Variants in LUC7L observed in about 807,000 individuals in gnomAD.
The protein encoded by LUC7L is putative RNA-binding protein Luc7-like 1.
In LUC7L, 29 loss-of-function variants were observed where a neutral mutation model predicts 51.1. The observed-to-expected ratio is 0.57, with a 90% CI of 0.42 to 0.77. The LOEUF (loss-of-function observed/expected upper bound fraction) is 0.77, where lower values mean the gene tolerates loss of function less well. LUC7L is among the 30% of genes least tolerant of loss of function. The pLI is 0.00. For missense variants in LUC7L, 403 were observed against 511.9 expected (o/e 0.79, Z 2.05); for synonymous variants, 181 against 180.7 (o/e 1.00, Z -0.01).
At chr16:189,850 C>T (rs1310280446) in intron 9 of LUC7L, 118 bp downstream of exon 9, 45 of 1,486,626 alleles carry the variant, frequency 3.0e-5, no homozygotes, top group Non-Finnish European at 3.8e-5. Context: ...ACTCCCCAGC[C>T]CTACTCCTGA....
intron 5 of LUC7L, among the ~76,000 whole-genome samples, chr16:203,552 C>T (rs547609158): frequency 6.6e-6 from 1 of 151,682 alleles, no homozygotes; most frequent in African/African-American, 2.4e-5. Context: ...CCAAAAAATA[C>T]AAAAAATTAG....
At chr16:227,404 A>G in intron 1 of LUC7L, 68 bp from the exon 2 acceptor site, 1 of 1,541,146 alleles carries the variant, frequency 6.5e-7, no homozygotes, top group East Asian at 2.4e-5. Context: ...TAACTAGTAT[A>G]ACAATTCACC....
chr16:220,510 T>C, intron 3 of LUC7L, 139 bp downstream of exon 3: 1 of 682,708 alleles, frequency 1.5e-6, no homozygotes, highest in Non-Finnish European at 2.6e-6. Context: ...GGCTGTATTC[T>C]AGCTCTGAGC....
intron 2 of LUC7L, among the ~76,000 whole-genome samples, chr16:221,022 A>C (rs536733361): frequency 2.0e-5 from 3 of 152,124 alleles, no homozygotes; most frequent in African/African-American, 7.2e-5. Context: ...AACTACATTA[A>C]TTGGCTTTTG....
At chr16:198,948 G>A in intron 6 of LUC7L, 114 bp downstream of exon 6, 5 of 1,030,210 alleles carry the variant, frequency 4.9e-6, no homozygotes, top group Non-Finnish European at 5.5e-6. Flanking sequence ...CCAAAGTGCT[G>A]GGATTATAGG....
chr16:189,985 G>A lies in LUC7L; in HGVS notation c.957C>T (p.Asp319=). The change falls in exon 9 of 10, where the codon GAC becomes GAT. Residue 319 remains aspartate, a synonymous_variant. Coordinates refer to ENST00000293872, the MANE Select transcript of LUC7L (RefSeq NM_201412.3). ...GTAGTTACTTGTATTTCGCACTTCG[G>A]TCCCGGGAAGCCCGACGATGTCCCC... is the stretch of plus-strand genomic sequence containing the variant. ...HSRGHRRASR[D]RSAKYKFSRE... The A allele has an allele frequency of 1.2e-6, 2 of 1,613,004 alleles. No homozygotes were observed. Among genetic ancestry groups the A allele is most frequent in the Non-Finnish European group, 1.7e-6 (2 of 1,179,158 alleles).
chr16:200,666 G>T (rs1356343332), intron 5 of LUC7L, among the ~76,000 whole-genome samples: 1 of 152,080 alleles, frequency 6.6e-6, no homozygotes, highest in East Asian at 1.9e-4. Context: ...AAGATCACTT[G>T]GCCCCAGGAG....
At chr16:198,985 A>G in intron 6 of LUC7L, 77 bp downstream of exon 6, 4 of 1,440,180 alleles carry the variant, frequency 2.8e-6, no homozygotes, top group East Asian at 4.8e-5. Context: ...CGGCCAAAAC[A>G]TAAGGTTTTT....
intron 5 of LUC7L, among the ~76,000 whole-genome samples, chr16:200,715 C>T (rs2049299478): frequency 1.3e-5 from 2 of 152,110 alleles, no homozygotes; most frequent in Non-Finnish European, 2.9e-5. Flanking sequence ...GACTCAGTCT[C>T]TAAAAATAAG....
At chr16:221,303 C>A (rs140605644) in intron 2 of LUC7L, among the ~76,000 whole-genome samples, 60 of 151,400 alleles carry the variant, frequency 4.0e-4, no homozygotes, top group African/African-American at 1.3e-3. Flanking sequence ...CCTTGGCCTC[C>A]CAAAGAGCTG....
rs185978516 is a variant in LUC7L at position 215,551 on chromosome 16, C to T, written c.255+5098G>A. On this transcript the variant is annotated intron_variant, in intron 3 of 9. Coordinates refer to ENST00000293872, the MANE Select transcript of LUC7L (RefSeq NM_201412.3). Reference sequence around the variant, plus strand: ...AGGAGAGTTGCTTGAACCCGGCAGGCGGAGGTTGCAGTGAGCCGAGATCAT... The same window carrying T: ...AGGAGAGTTGCTTGAACCCGGCAGGTGGAGGTTGCAGTGAGCCGAGATCAT... 1.5e-3 allele frequency among the ~76,000 whole-genome samples: 220 copies of T among 149,854 alleles called. 1 individual carries two copies. The highest frequency in any genetic ancestry group is 5.3e-3 in the African/African-American group (214 of 40,698).
chr16:229,046 A>T, intron 1 of LUC7L: 4 of 1,419,958 alleles, frequency 2.8e-6, no homozygotes, highest in Non-Finnish European at 3.7e-6. Context: ...AGGAGGCTGA[A>T]GCCCCATCCA....
chr16:224,447 A>G (rs979999953), intron 2 of LUC7L, among the ~76,000 whole-genome samples: 1 of 151,354 alleles, frequency 6.6e-6, no homozygotes, highest in African/African-American at 2.4e-5. Context: ...TGAGCCCGGG[A>G]GGCGGAGCTT....
At chr16:211,118 T>G (rs972897687) in intron 3 of LUC7L, among the ~76,000 whole-genome samples, 2 of 145,602 alleles carry the variant, frequency 1.4e-5, no homozygotes, top group Non-Finnish European at 3.0e-5. Flanking sequence ...ATCCCAACAC[T>G]TTGGGAGTCT....
In LUC7L at chr16:228,391, G is replaced by C. The variant is rs1467705321; in HGVS notation, c.61+888C>G. On this transcript the variant is annotated intron_variant, in intron 1 of 9. Transcript: ENST00000293872. ...TTGCAGATTGATGTAGGCAGGCAAAGATACACTGAACCTTTATAAATAAAA... is the reference window on the plus strand; with the variant it reads ...TTGCAGATTGATGTAGGCAGGCAAACATACACTGAACCTTTATAAATAAAA... 3 of 1,303,242 alleles carry C rather than the reference G, an allele frequency of 2.3e-6. No homozygotes were observed. The Admixed American group carries it at 6.9e-5, about 30-fold the overall frequency. 80.7% of individuals were successfully genotyped at this position (1,303,242 alleles called of 1,614,324 possible).
intron 6 of LUC7L, 65 bp downstream of exon 6, chr16:198,997 A>T: frequency 6.8e-7 from 1 of 1,473,512 alleles, no homozygotes; most frequent in Non-Finnish European, 9.1e-7. Flanking sequence ...AAGGTTTTTA[A>T]AAATTAAAGA....
At chr16:221,289 C>A (rs2142111205) in intron 2 of LUC7L, among the ~76,000 whole-genome samples, 1 of 149,222 alleles carries the variant, frequency 6.7e-6, no homozygotes, top group Middle Eastern at 3.5e-3. Context: ...AAGTGATACA[C>A]CCACCTTGGC....
intron 3 of LUC7L, among the ~76,000 whole-genome samples, chr16:216,935 ATCC>A (rs2049818991): frequency 6.6e-6 from 1 of 151,994 alleles, no homozygotes; most frequent in Non-Finnish European, 1.5e-5. Context: ...GGCTCAAGCA[ATCC>A]TCCTGCCTCA....
At chr16:211,479 T>C (rs375257110) in intron 3 of LUC7L, among the ~76,000 whole-genome samples, 43 of 152,130 alleles carry the variant, frequency 2.8e-4, no homozygotes, top group African/African-American at 8.4e-4. Flanking sequence ...CAACTATAAA[T>C]GGTAAACTTC....
Sources: allele counts gnomAD v4.1 joint callset (sites outside exome capture counted in the v4.1 genomes callset), GRCh38; gene constraint gnomAD v4.1.1; transcripts MANE v1.5; gene names NCBI Gene and HGNC (gene_info 2026-07-23, HGNC 2026-07-21).